The following CEP70 variants were observed in gnomAD, a reference collection of about 807,000 sequenced individuals.
CEP70 encodes the protein centrosomal protein 70, also known as centrosomal protein of 70 kDa.
In CEP70, 70 loss-of-function variants were observed where a neutral mutation model predicts 90.9. The observed-to-expected ratio is 0.77, with a 90% CI of 0.64 to 0.94. The LOEUF (loss-of-function observed/expected upper bound fraction) is 0.94, where lower values mean the gene tolerates loss of function less well. Among genes scored for constraint, CEP70 ranks in the 40% least tolerant of loss-of-function variants. The pLI is 0.00. For missense variants in CEP70, 648 were observed against 669.0 expected (o/e 0.97, Z 0.35); for synonymous variants, 220 against 228.3 (o/e 0.96, Z 0.33).
At chr3:138,508,768 C>CTGATA (rs1412640257) in intron 11 of CEP70, among the ~76,000 whole-genome samples, 1 of 151,058 alleles carries the variant, frequency 6.6e-6, no homozygotes, top group Non-Finnish European at 1.5e-5. Flanking sequence ...GAATCTCGCT[C>CTGATA]TATCACCCAG....
rs544464452 is a variant in CEP70 at position 138,588,499 on chromosome 3, C to T, written c.-6+3355G>A. ...GCTAGGCACACAAAAAGATGCTAAA[C>T]ATTGTTAGTCAGGAGGGAAATGCAA... On this transcript the variant is annotated intron_variant, in intron 2 of 17. Transcript: ENST00000264982. 2.4e-4 allele frequency among the ~76,000 whole-genome samples: 36 copies of T among 152,258 alleles called. No individual in the cohort carries two copies. The South Asian group carries it at 3.5e-3, about 15-fold the overall frequency.
chr3:138,590,199 T>G (rs1040661082), intron 2 of CEP70, among the ~76,000 whole-genome samples: 1 of 152,200 alleles, frequency 6.6e-6, no homozygotes, highest in African/African-American at 2.4e-5. Context: ...CTGTCATATG[T>G]ATAATACAGA....
intron 17 of CEP70, chr3:138,497,768 C>T (rs1227548496): frequency 2.0e-6 from 2 of 985,186 alleles, no homozygotes; most frequent in African/African-American, 3.5e-5. Context: ...CAGGGTTAAA[C>T]TAGGCATGGA....
chr3:138,538,052 C>A (rs1253479273), intron 6 of CEP70, among the ~76,000 whole-genome samples: 3 of 152,112 alleles, frequency 2.0e-5, no homozygotes, highest in African/African-American at 7.2e-5. Context: ...AAAATTTTCC[C>A]CAGACTCAGT....
At chr3:138,583,691 T>C (rs1031072112) in intron 2 of CEP70, among the ~76,000 whole-genome samples, 1 of 146,010 alleles carries the variant, frequency 6.8e-6, no homozygotes, top group African/African-American at 2.7e-5. Context: ...AATTAATCAA[T>C]AGGCTCCTGA....
intron 11 of CEP70, among the ~76,000 whole-genome samples, chr3:138,510,929 C>G (rs2035477633): frequency 6.8e-6 from 1 of 146,832 alleles, no homozygotes; most frequent in Admixed American, 7.0e-5. Flanking sequence ...GGCACGATCT[C>G]AGCTCACTGC....
chr3:138,499,954 T>C, intron 16 of CEP70, 156 bp downstream of exon 16: 1 of 594,000 alleles, frequency 1.7e-6, no homozygotes, highest in Non-Finnish European at 3.1e-6. Flanking sequence ...TTTTATTGTT[T>C]AGAGACAGGG....
At chr3:138,536,314 T>C (rs1169134949) in intron 7 of CEP70, among the ~76,000 whole-genome samples, 1 of 152,074 alleles carries the variant, frequency 6.6e-6, no homozygotes, top group East Asian at 1.9e-4. Flanking sequence ...AAAACACAAC[T>C]TCTCTGAATA....
intron 13 of CEP70, among the ~76,000 whole-genome samples, chr3:138,502,839 C>G (rs1450808778): frequency 6.6e-6 from 1 of 152,100 alleles, no homozygotes; most frequent in Admixed American, 6.5e-5. Flanking sequence ...AGCCAGCCTA[C>G]CGTGTACGTC....
At chr3:138,508,649 A>G in intron 11 of CEP70, 105 bp from the exon 12 acceptor site, 1 of 738,956 alleles carries the variant, frequency 1.4e-6, no homozygotes, top group Non-Finnish European at 2.4e-6. Context: ...ACAGCCTTAT[A>G]TCACTTTACT....
rs1351560377 is a variant in CEP70 at position 138,532,545 on chromosome 3, C to A, written c.661G>T (p.Glu221Ter). Reference sequence around the variant, plus strand: ...GTATGAATTTTTCTAATTTTAGATTCATAGTAATCAATTAGACAAAGCAAC... The same window carrying A: ...GTATGAATTTTTCTAATTTTAGATTAATAGTAATCAATTAGACAAAGCAAC... ...RQLLCLIDYY[E>*]SKIRKIHTQR... The change falls in exon 8 of 18, where the codon GAA (glutamate) becomes TAA (stop). Residue 221 changes from glutamate to a stop codon, truncating the protein, a stop_gained. Coordinates refer to ENST00000264982, the MANE Select transcript of CEP70 (RefSeq NM_024491.4). LOFTEE classifies it high-confidence loss of function. 1.3e-6 allele frequency: 2 copies of A among 1,508,716 alleles called. No individual in the cohort carries two copies. The highest frequency in any genetic ancestry group is 2.5e-5 in the East Asian group (1 of 39,708). 93.5% of individuals were successfully genotyped at this position (1,508,716 alleles called of 1,614,324 possible).
At chr3:138,526,393 G>C (rs1162020833) in intron 10 of CEP70, among the ~76,000 whole-genome samples, 2 of 151,894 alleles carry the variant, frequency 1.3e-5, no homozygotes, top group Non-Finnish European at 2.9e-5. Flanking sequence ...TCAAACTCTT[G>C]ACCTCAGGAG....
At chr3:138,577,321 C>T (rs1478566079) in intron 2 of CEP70, among the ~76,000 whole-genome samples, 3 of 152,120 alleles carry the variant, frequency 2.0e-5, no homozygotes, top group Non-Finnish European at 4.4e-5. Flanking sequence ...CTGTCATGTA[C>T]TCTAGAACTT....
chr3:138,571,961 G>C (rs540583464), intron 3 of CEP70, among the ~76,000 whole-genome samples: 1 of 152,116 alleles, frequency 6.6e-6, no homozygotes, highest in Non-Finnish European at 1.5e-5. Context: ...TGTATTTTTA[G>C]TAGAGATGGG....
At position 138,534,758 on chromosome 3, in the gene CEP70, T is replaced by A. The variant is rs139258988; in HGVS notation, c.636-2188A>T. Among the ~76,000 whole-genome samples the A allele has an allele frequency of 4.7e-3, 723 of 152,306 alleles. 4 individuals carry two copies. The highest frequency in any genetic ancestry group is 0.017 in the African/African-American group (696 of 41,556). On this transcript the variant is annotated intron_variant, in intron 7 of 17. Coordinates refer to ENST00000264982, the MANE Select transcript of CEP70 (RefSeq NM_024491.4). The stretch of plus-strand genomic sequence containing the variant: ...TTAACAACAGGCCTGATATGTCTAC[T>A]TGGATGACTGAAGGTGCCTAAGTAT...
intron 6 of CEP70, among the ~76,000 whole-genome samples, chr3:138,568,994 C>A (rs7620910): frequency 0.61 from 90,118 of 148,712 alleles, 27,486 homozygotes; most frequent in East Asian, 0.94. Context: ...AAAAAACAAA[C>A]AAAAAAAAAA....
intron 2 of CEP70, among the ~76,000 whole-genome samples, chr3:138,584,764 A>G (rs888166429): frequency 5.3e-5 from 8 of 152,022 alleles, no homozygotes; most frequent in Non-Finnish European, 7.4e-5. Context: ...TTTAAAAAAA[A>G]AACCCTAAAA....
intron 15 of CEP70, 77 bp from the exon 16 acceptor site, chr3:138,500,301 T>C: frequency 6.7e-7 from 1 of 1,498,776 alleles, no homozygotes; most frequent in Non-Finnish European, 9.1e-7. Context: ...ATGCTTCAGT[T>C]ATCCTCAATT....
Position 138,527,418 on chromosome 3 carries a change from C to T in CEP70, c.869+1781G>A, listed in dbSNP as rs1490134939. On this transcript the variant is annotated intron_variant, in intron 10 of 17. Transcript: ENST00000264982. ...CTAATTTTTAAAATTATTTGTAGGC[C>T]GGGCACGGTGGCTCACGCTTGTAAT... Among the ~76,000 whole-genome samples, 3 of 151,744 alleles carry T rather than the reference C, an allele frequency of 2.0e-5. No individual in the cohort carries two copies. The East Asian group carries it at 5.8e-4, about 29-fold the overall frequency.
Sources: allele counts gnomAD v4.1 joint callset (sites outside exome capture counted in the v4.1 genomes callset), GRCh38; gene constraint gnomAD v4.1.1; transcripts MANE v1.5; gene names NCBI Gene and HGNC (gene_info 2026-07-23, HGNC 2026-07-21).